Variants in SYN2 observed in about 807,000 individuals in gnomAD.
The protein encoded by SYN2 is synapsin-2.
Under a neutral mutation model 50.9 loss-of-function variants are expected in SYN2, and 19 were observed. That is an observed-to-expected ratio of 0.37 (90% CI 0.26 to 0.55). The LOEUF (loss-of-function observed/expected upper bound fraction) is 0.55, where lower values mean the gene tolerates loss of function less well. Among genes scored for constraint, SYN2 ranks in the 20% least tolerant of loss-of-function variants. SYN2 has a pLI of 0.81. For synonymous variants in SYN2, 255 were observed against 224.9 expected (o/e 1.13, Z -1.20); for missense variants, 587 against 576.4 (o/e 1.02, Z -0.19).
chr3:12,020,898 A>C lies in SYN2; in HGVS notation c.377+15970A>C, dbSNP rs189699608. On this transcript the variant is annotated intron_variant, in intron 1 of 12. Coordinates refer to ENST00000621198, the MANE Select transcript of SYN2 (RefSeq NM_133625.6). Reference sequence around the variant, plus strand: ...GTAATAAAGTATGATTTATTATATCAGTATGATTAAAGGATGTTTTAAATA... The same window carrying C: ...GTAATAAAGTATGATTTATTATATCCGTATGATTAAAGGATGTTTTAAATA... Among the ~76,000 whole-genome samples the C allele has an allele frequency of 3.3e-3, 509 of 152,340 alleles. 2 individuals are homozygous for C. Among genetic ancestry groups the C allele is most frequent in the Middle Eastern group, 6.8e-3 (2 of 294 alleles).
intron 1 of SYN2, among the ~76,000 whole-genome samples, chr3:12,105,738 C>G (rs1214299626): frequency 6.6e-6 from 1 of 152,040 alleles, no homozygotes; most frequent in African/African-American, 2.4e-5. Context: ...GCAGTTCCCT[C>G]TCAATTCACG....
chr3:12,145,372 C>T (rs541174418), intron 3 of SYN2, among the ~76,000 whole-genome samples: 163 of 152,152 alleles, frequency 1.1e-3, no homozygotes, highest in Middle Eastern at 3.4e-3. Flanking sequence ...CCCTGTCTCT[C>T]CAAAACATAA....
chr3:12,039,232 G>T (rs192044682), intron 1 of SYN2, among the ~76,000 whole-genome samples: 1 of 152,158 alleles, frequency 6.6e-6, no homozygotes, highest in Admixed American at 6.5e-5. Context: ...AACCAACATT[G>T]TATTCCTGGA....
At chr3:12,172,005 T>C (rs1697948268) in intron 10 of SYN2, among the ~76,000 whole-genome samples, 1 of 152,214 alleles carries the variant, frequency 6.6e-6, no homozygotes, top group South Asian at 2.1e-4. Context: ...TCCCTAAATA[T>C]AGCATCTCTT....
At chr3:12,033,669 A>G (rs888769182) in intron 1 of SYN2, among the ~76,000 whole-genome samples, 2 of 152,112 alleles carry the variant, frequency 1.3e-5, no homozygotes, top group Non-Finnish European at 1.5e-5. Context: ...AGTATTTCCC[A>G]TTCCTCCCTT....
At chr3:12,167,842 A>G (rs531234444) in intron 8 of SYN2, among the ~76,000 whole-genome samples, 1 of 152,350 alleles carries the variant, frequency 6.6e-6, no homozygotes, top group South Asian at 2.1e-4. Context: ...TGATAAAAAT[A>G]TGGACGGAGA....
At chr3:12,010,855 A>T (rs554349171) in intron 1 of SYN2, among the ~76,000 whole-genome samples, 1 of 152,338 alleles carries the variant, frequency 6.6e-6, no homozygotes, top group East Asian at 1.9e-4. Context: ...TCCTTGTTAC[A>T]TTATTGCTAC....
At chr3:12,072,484 T>C (rs1695378935) in intron 1 of SYN2, among the ~76,000 whole-genome samples, 1 of 152,242 alleles carries the variant, frequency 6.6e-6, no homozygotes, top group South Asian at 2.1e-4. Flanking sequence ...TCATCCATTC[T>C]GAGTTAATTT....
At chr3:12,178,844 C>A (rs1321281975) in intron 10 of SYN2, among the ~76,000 whole-genome samples, 3 of 152,222 alleles carry the variant, frequency 2.0e-5, no homozygotes, top group African/African-American at 7.2e-5. Context: ...CTTTGTTTCA[C>A]ATATCAGCAA....
chr3:12,187,279 TTA>T, intron 11 of SYN2, 88 bp from the exon 12 acceptor site: 1 of 1,439,392 alleles, frequency 6.9e-7, no homozygotes, highest in Non-Finnish European at 9.2e-7. Flanking sequence ...CTTTGGGTAA[TTA>T]ACTAACCACA....
At chr3:12,153,495 G>T (rs371172508) in intron 5 of SYN2, 3 of 1,612,430 alleles carry the variant, frequency 1.9e-6, no homozygotes, top group Non-Finnish European at 2.5e-6. Context: ...TTGAAGGGAT[G>T]TGATGGTCAC....
chr3:12,115,393 G>C (rs1426718508), intron 1 of SYN2, among the ~76,000 whole-genome samples: 2 of 152,160 alleles, frequency 1.3e-5, no homozygotes, highest in East Asian at 1.9e-4. Context: ...TTTGAGGGAA[G>C]AATGTCCACA....
intron 1 of SYN2, among the ~76,000 whole-genome samples, chr3:12,122,642 T>C (rs1187053811): frequency 6.6e-6 from 1 of 152,180 alleles, no homozygotes; most frequent in Non-Finnish European, 1.5e-5. Context: ...AAAAAAATGC[T>C]TCCTTTGAGA....
At chr3:12,070,810 A>T (rs185757095) in intron 1 of SYN2, 2 of 614,722 alleles carry the variant, frequency 3.3e-6, no homozygotes, top group East Asian at 4.4e-5. Context: ...CCTCATGAAG[A>T]TCCTCACCGA....
intron 1 of SYN2, among the ~76,000 whole-genome samples, chr3:12,062,622 A>G (rs1384655319): frequency 6.6e-6 from 1 of 152,032 alleles, no homozygotes; most frequent in Non-Finnish European, 1.5e-5. Context: ...AAGGAATTGT[A>G]TCCAAATATA....
chr3:12,072,343 A>G (rs929749755), intron 1 of SYN2, among the ~76,000 whole-genome samples: 3 of 152,180 alleles, frequency 2.0e-5, no homozygotes, highest in South Asian at 4.1e-4. Context: ...TTAAAGTCCA[A>G]ATGTGTTTAT....
At position 12,145,846 on chromosome 3, in the gene SYN2, C is replaced by G; in HGVS notation, c.684+11C>G. 1 of 1,613,364 alleles carries G rather than the reference C, an allele frequency of 6.2e-7. No individual in the cohort carries two copies. The highest frequency in any genetic ancestry group is 8.5e-7 in the Non-Finnish European group (1 of 1,179,630). Reference sequence around the variant, plus strand: ...GACAAGCCATGGGTGGTGAGTGAGGCCCCCTTCCCCCAAGTAAAAGGGTAG... The same window carrying G: ...GACAAGCCATGGGTGGTGAGTGAGGGCCCCTTCCCCCAAGTAAAAGGGTAG... On this transcript the variant is annotated intron_variant, in intron 4 of 12. Transcript: ENST00000621198.
At chr3:12,105,158 C>G (rs2125191849) in intron 1 of SYN2, among the ~76,000 whole-genome samples, 1 of 152,226 alleles carries the variant, frequency 6.6e-6, no homozygotes, top group South Asian at 2.1e-4. Context: ...TTCATCAACT[C>G]TAAATTAGAA....
chr3:12,022,709 A>C (rs982782928), intron 1 of SYN2, among the ~76,000 whole-genome samples: 2 of 151,570 alleles, frequency 1.3e-5, no homozygotes, highest in East Asian at 3.9e-4. Flanking sequence ...TGCCTGGCCT[A>C]TTCTTTAAAT....
Sources: allele counts gnomAD v4.1 joint callset (sites outside exome capture counted in the v4.1 genomes callset), GRCh38; gene constraint gnomAD v4.1.1; transcripts MANE v1.5; gene names NCBI Gene and HGNC (gene_info 2026-07-23, HGNC 2026-07-21).